Variants in TM9SF3 observed in about 807,000 individuals in gnomAD.
The protein encoded by TM9SF3 is transmembrane 9 superfamily member 3.
Under a neutral mutation model 78.6 loss-of-function variants are expected in TM9SF3, and 14 were observed. The ratio of observed to expected loss-of-function variants is 0.18; its 90% confidence interval spans 0.12 to 0.28. The LOEUF (loss-of-function observed/expected upper bound fraction) is 0.28, where lower values mean the gene tolerates loss of function less well. Among genes scored for constraint, TM9SF3 ranks in the 10% least tolerant of loss-of-function variants. The pLI, the probability that TM9SF3 is intolerant of heterozygous loss-of-function variation, is 1.00. For synonymous variants in TM9SF3, 231 were observed against 241.7 expected, an observed-to-expected ratio of 0.96 and a Z score of 0.41; for missense variants, 496 against 721.9, an observed-to-expected ratio of 0.69 and a Z score of 3.59.
chr10:96,526,585 T>C (rs4485036), intron 14 of TM9SF3, among the ~76,000 whole-genome samples: 31,164 of 152,080 alleles, frequency 0.2, 3,556 homozygotes, highest in Admixed American at 0.3. Context: ...ATGATTATGA[T>C]AGATCCATAA....
At chr10:96,537,800 A>C (rs1847978024) in intron 9 of TM9SF3, among the ~76,000 whole-genome samples, 1 of 152,236 alleles carries the variant, frequency 6.6e-6, no homozygotes, top group Non-Finnish European at 1.5e-5. Flanking sequence ...ATTCACCAAC[A>C]GAATAATATG....
chr10:96,529,685 T>C (rs1190934484), intron 11 of TM9SF3, among the ~76,000 whole-genome samples: 1 of 152,102 alleles, frequency 6.6e-6, no homozygotes, highest in Non-Finnish European at 1.5e-5. Context: ...TTTACTTGTC[T>C]TAAAATATTA....
intron 9 of TM9SF3, 140 bp downstream of exon 9, chr10:96,543,933 TCTC>T (rs1455378692): frequency 1.3e-6 from 1 of 755,900 alleles, no homozygotes; most frequent in African/African-American, 1.8e-5. Flanking sequence ...ACAGTAGTAT[TCTC>T]CTCATCTAAC....
At chr10:96,532,009 G>A (rs1460055788) in intron 10 of TM9SF3, among the ~76,000 whole-genome samples, 1 of 152,120 alleles carries the variant, frequency 6.6e-6, no homozygotes, top group East Asian at 1.9e-4. Context: ...AGTAGATCGA[G>A]ACCATCCTGG....
rs192991253 is a variant in TM9SF3 at position 96,577,862 on chromosome 10, A to T, written c.103-1033T>A. ...GTTGCTATGGGGCACATAATAGAAG[A>T]AGTGATCCAACTGGCCCACTATGAA... On this transcript the variant is annotated intron_variant, in intron 1 of 14. Coordinates refer to ENST00000371142, the MANE Select transcript of TM9SF3 (RefSeq NM_020123.4). Among the ~76,000 whole-genome samples, 3 of 152,276 alleles carry T rather than the reference A, an allele frequency of 2.0e-5. No homozygotes were observed. In the East Asian group the frequency reaches 5.8e-4, roughly 29 times the overall value.
At chr10:96,530,352 A>G (rs986033374) in intron 11 of TM9SF3, among the ~76,000 whole-genome samples, 188 bp downstream of exon 11, 1 of 152,218 alleles carries the variant, frequency 6.6e-6, no homozygotes, top group Non-Finnish European at 1.5e-5. Context: ...AAAAAGGTAT[A>G]AACATCACTT....
At chr10:96,546,781 C>T (rs1047959779) in intron 8 of TM9SF3, among the ~76,000 whole-genome samples, 1 of 152,146 alleles carries the variant, frequency 6.6e-6, no homozygotes, top group Non-Finnish European at 1.5e-5. Context: ...GCTCCGATTT[C>T]CTATAACCTA....
At position 96,522,346 on chromosome 10, in the gene TM9SF3, A is replaced by T. The variant is rs747299023; in HGVS notation, c.1703-16T>A. 6.4e-7 allele frequency: 1 copy of T among 1,556,160 alleles called. No homozygotes were observed. On this transcript the variant is annotated splice_polypyrimidine_tract_variant and intron_variant, in intron 14 of 14. Coordinates refer to ENST00000371142, the MANE Select transcript of TM9SF3 (RefSeq NM_020123.4). ...CCAATCGCTCCTGCAAAGATAAAAT[A>T]AGATGTTTTGAAACAAATACATACA...
intron 1 of TM9SF3, among the ~76,000 whole-genome samples, chr10:96,582,866 TATCAGGAGTTCAA>T: frequency 6.6e-6 from 1 of 151,818 alleles, no homozygotes; most frequent in South Asian, 2.1e-4. Flanking sequence ...GATCACCTGA[TATCAGGAGTTCAA>T]GACCAGCTGA....
chr10:96,560,556 T>C (rs1848293681), intron 4 of TM9SF3: 1 of 699,376 alleles, frequency 1.4e-6, no homozygotes, highest in Admixed American at 1.8e-5. Flanking sequence ...AGATGCAGAA[T>C]CAGAAGATGA....
At chr10:96,545,626 A>G (rs1414034485) in intron 8 of TM9SF3, among the ~76,000 whole-genome samples, 1 of 152,194 alleles carries the variant, frequency 6.6e-6, no homozygotes, top group Non-Finnish European at 1.5e-5. Context: ...GTGGTGGCTC[A>G]TGCCTGTAAT....
rs550400775 is a variant in TM9SF3 at position 96,584,454 on chromosome 10, T to A, written c.102+2280A>T. ...AATAATATAAATGACATTTGAATTT[T>A]ATGCTTATTTTTAGATGCTATTCTT... On this transcript the variant is annotated intron_variant, in intron 1 of 14. Coordinates refer to ENST00000371142, the MANE Select transcript of TM9SF3 (RefSeq NM_020123.4). Among the ~76,000 whole-genome samples the A allele has an allele frequency of 3.3e-5, 5 of 152,356 alleles. No individual in the cohort carries two copies. The South Asian group carries it at 8.3e-4, about 25-fold the overall frequency.
intron 3 of TM9SF3, among the ~76,000 whole-genome samples, chr10:96,563,232 C>T (rs548073755): frequency 1.1e-4 from 16 of 152,232 alleles, no homozygotes; most frequent in African/African-American, 3.1e-4. Flanking sequence ...AGTGCCACCA[C>T]GCCTGGGTAA....
chr10:96,560,854 ACAC>A (rs1848298793), intron 4 of TM9SF3: 2 of 538,366 alleles, frequency 3.7e-6, no homozygotes, highest in Non-Finnish European at 7.2e-6. Flanking sequence ...AATTCCTAAA[ACAC>A]CAAAAGGACC....
intron 8 of TM9SF3, among the ~76,000 whole-genome samples, chr10:96,546,868 C>T (rs750780793): frequency 6.6e-6 from 1 of 152,192 alleles, no homozygotes; most frequent in Non-Finnish European, 1.5e-5. Context: ...TGGAAAATCA[C>T]AACTCCATCC....
At chr10:96,581,686 G>C (rs769038611) in intron 1 of TM9SF3, among the ~76,000 whole-genome samples, 2 of 152,166 alleles carry the variant, frequency 1.3e-5, no homozygotes, top group Non-Finnish European at 2.9e-5. Flanking sequence ...CTCTTTATAA[G>C]TTTTCAGTAA....
Position 96,583,603 on chromosome 10 carries a change from C to CCTCTA in TM9SF3, c.102+3126_102+3130dup, listed in dbSNP as rs555848148. 3.0e-3 allele frequency among the ~76,000 whole-genome samples: 464 copies of CCTCTA among 152,324 alleles called. 8 individuals are homozygous for CCTCTA. The highest frequency in any genetic ancestry group is 5.3e-4 in the Non-Finnish European group (36 of 68,028). On this transcript the variant is annotated intron_variant, in intron 1 of 14. Transcript: ENST00000371142. The stretch of plus-strand genomic sequence containing the variant: ...TCAGAATGCCTAAGTTCAAATCCCA[C>CCTCTA]CTCTACCCCTACCAGATGTGTGTTA...
At chr10:96,528,941 C>T (rs865805446) in intron 11 of TM9SF3, among the ~76,000 whole-genome samples, 29 of 152,042 alleles carry the variant, frequency 1.9e-4, no homozygotes, top group African/African-American at 7.0e-4. Context: ...CTTAAAAAGA[C>T]CACTTTGGCT....
chr10:96,540,412 A>C (rs1367601469), intron 9 of TM9SF3, among the ~76,000 whole-genome samples: 1 of 152,182 alleles, frequency 6.6e-6, no homozygotes, highest in African/African-American at 2.4e-5. Context: ...ACTTAATGTG[A>C]TCTCTCGGTA....
Sources: allele counts gnomAD v4.1 joint callset (sites outside exome capture counted in the v4.1 genomes callset), GRCh38; gene constraint gnomAD v4.1.1; transcripts MANE v1.5; gene names NCBI Gene and HGNC (gene_info 2026-07-23, HGNC 2026-07-21).